PCLO: variants seen among roughly 807,000 people sequenced by gnomAD.
PCLO encodes the protein piccolo presynaptic cytomatrix protein, also known as protein piccolo.
Under a neutral mutation model 427.5 loss-of-function variants are expected in PCLO, and 82 were observed. That is an observed-to-expected ratio of 0.19 (90% CI 0.16 to 0.23). The LOEUF is 0.23. Among genes scored for constraint, PCLO ranks in the 10% least tolerant of loss-of-function variants. The pLI, the probability that PCLO is intolerant of heterozygous loss-of-function variation, is 1.00. For synonymous variants in PCLO, 2,357 were observed against 2,155.4 expected, an observed-to-expected ratio of 1.09 and a Z score of -2.59; for missense variants, 6,239 against 6,115.9, an observed-to-expected ratio of 1.02 and a Z score of -0.67.
At chr7:83,130,051 C>A (rs758449420) in intron 3 of PCLO, among the ~76,000 whole-genome samples, 2 of 150,312 alleles carry the variant, frequency 1.3e-5, no homozygotes, top group African/African-American at 4.9e-5. Context: ...CTTTTTATAC[C>A]GACTTTAAAA....
At position 83,155,275 on chromosome 7, in the gene PCLO, G is replaced by A. The variant is rs200908057; in HGVS notation, c.1366C>T (p.Pro456Ser). The change falls in exon 2 of 25, where the codon CCC becomes TCC. Residue 456 changes from proline (P) to serine (S), a missense_variant. This residue lies in a region of PCLO where 4,677 missense variants were observed against 4,468.4 expected (regional missense o/e 1.05). Coordinates refer to ENST00000333891, the MANE Select transcript of PCLO (RefSeq NM_033026.6). ...PGKIPAQQAG[P>S]GKTSAQQTGP... The stretch of plus-strand genomic sequence containing the variant: ...GTCTGCTGGGCAGAAGTCTTTCCGG[G>A]TCCTGCCTGTTGAGCTGGAATCTTT... 6.7e-5 allele frequency: 108 copies of A among 1,613,824 alleles called. No individual in the cohort carries two copies. Among genetic ancestry groups the A allele is most frequent in the Non-Finnish European group, 8.6e-5 (102 of 1,179,900 alleles).
In PCLO at chr7:82,955,252, T is replaced by C. The variant is rs754589716; in HGVS notation, c.5701A>G (p.Ile1901Val). 1.3e-5 allele frequency: 21 copies of C among 1,613,536 alleles called. No individual in the cohort carries two copies. In the Admixed American group the frequency reaches 3.0e-4, roughly 23 times the overall value. The change falls in exon 5 of 25, where the codon ATT becomes GTT. Residue 1901 changes from isoleucine to valine, a missense_variant. By Grantham distance (29) the Ile-to-Val change is conservative. Around this residue, in one of 5 missense-constraint regions of PCLO, gnomAD observed 4,677 missense variants for 4,468.4 expected, o/e 1.05. Transcript: ENST00000333891. ...TTTTGGCTACCTTCTTTCTGCATAA[T>C]AGATTGCTCATCTGTTGGTGAGTAT... ...SLYSPTDEQS[I>V]MQKEGSQKAL...
At chr7:82,951,679 T>A (rs1183473243) in intron 5 of PCLO, among the ~76,000 whole-genome samples, 177 bp downstream of exon 5, 1 of 150,132 alleles carries the variant, frequency 6.7e-6, no homozygotes, top group Non-Finnish European at 1.5e-5. Context: ...GCAGAACAAA[T>A]TTTTTTTAAA....
chr7:82,861,928 A>G (rs1228534218), intron 10 of PCLO, among the ~76,000 whole-genome samples: 1 of 152,016 alleles, frequency 6.6e-6, no homozygotes, highest in Non-Finnish European at 1.5e-5. Context: ...ACAAACGATA[A>G]TGGAAACACA....
intron 10 of PCLO, among the ~76,000 whole-genome samples, chr7:82,859,150 T>G (rs1396397763): frequency 6.6e-6 from 1 of 151,192 alleles, no homozygotes; most frequent in African/African-American, 2.4e-5. Context: ...GGATGGCACT[T>G]CTGGACCCAC....
intron 3 of PCLO, among the ~76,000 whole-genome samples, chr7:83,076,885 T>C (rs1206606425): frequency 6.6e-6 from 1 of 151,948 alleles, no homozygotes; most frequent in Non-Finnish European, 1.5e-5. Flanking sequence ...TAATAAGGTA[T>C]ACATGTGGAA....
At chr7:83,063,050 T>C (rs946545369) in intron 3 of PCLO, among the ~76,000 whole-genome samples, 2 of 152,080 alleles carry the variant, frequency 1.3e-5, no homozygotes, top group Admixed American at 6.6e-5. Flanking sequence ...CTCTAACTTA[T>C]GTATTTTGTT....
At chr7:83,064,620 C>T (rs1418545804) in intron 3 of PCLO, among the ~76,000 whole-genome samples, 1 of 151,990 alleles carries the variant, frequency 6.6e-6, no homozygotes, top group Non-Finnish European at 1.5e-5. Context: ...AGTTCTGCTT[C>T]ATAAACATAA....
intron 3 of PCLO, among the ~76,000 whole-genome samples, chr7:82,997,204 T>A (rs1787644470): frequency 6.6e-6 from 1 of 151,860 alleles, no homozygotes; most frequent in Non-Finnish European, 1.5e-5. Flanking sequence ...CACCAGCTGA[T>A]CCCTGCCATG....
At chr7:82,833,568 G>A (rs923534365) in intron 16 of PCLO, among the ~76,000 whole-genome samples, 1 of 151,906 alleles carries the variant, frequency 6.6e-6, no homozygotes, top group Non-Finnish European at 1.5e-5. Context: ...TAGCTAACAG[G>A]ACTCTTATTT....
At chr7:82,900,409 T>C (rs904717116) in intron 9 of PCLO, among the ~76,000 whole-genome samples, 4 of 151,756 alleles carry the variant, frequency 2.6e-5, no homozygotes, top group Non-Finnish European at 5.9e-5. Context: ...AAATTAAATA[T>C]ATATTTGAAT....
At chr7:82,795,664 T>C (rs990788178) in intron 22 of PCLO, among the ~76,000 whole-genome samples, 9 of 152,194 alleles carry the variant, frequency 5.9e-5, no homozygotes, top group Non-Finnish European at 7.4e-5. Flanking sequence ...ACTGCTCTAG[T>C]TCTCTGTTTT....
intron 3 of PCLO, among the ~76,000 whole-genome samples, chr7:83,110,719 T>G (rs186861112): frequency 6.6e-6 from 1 of 152,260 alleles, no homozygotes; most frequent in Non-Finnish European, 1.5e-5. Flanking sequence ...TTACTCCAAC[T>G]TTACTTGATT....
At position 82,803,400 on chromosome 7, in the gene PCLO, G is replaced by A. The variant is rs192478594; in HGVS notation, c.14934-1809C>T. ...GTAAGTCTTAGTAATTGTAGTACAAGTACATTTTGATAATTTTTGGGGTTG... is the reference window on the plus strand; with the variant it reads ...GTAAGTCTTAGTAATTGTAGTACAAATACATTTTGATAATTTTTGGGGTTG... On this transcript the variant is annotated intron_variant, in intron 21 of 24. Transcript: ENST00000333891. 3.7e-3 allele frequency among the ~76,000 whole-genome samples: 568 copies of A among 152,168 alleles called. 2 individuals are homozygous for A. The highest frequency in any genetic ancestry group is 7.3e-3 in the South Asian group (35 of 4,822).
chr7:82,806,871 C>T (rs945716052), intron 20 of PCLO, among the ~76,000 whole-genome samples: 1 of 152,076 alleles, frequency 6.6e-6, no homozygotes, highest in African/African-American at 2.4e-5. Flanking sequence ...CACATCACCA[C>T]TCTTCTCATG....
rs543943011 is a variant in PCLO, at chr7:83,158,065, T to C, written c.249-1673A>G. Among the ~76,000 whole-genome samples the C allele has an allele frequency of 9.9e-5, 15 of 152,134 alleles. No homozygotes were observed. In the South Asian group the frequency reaches 2.9e-3, roughly 29 times the overall value. On this transcript the variant is annotated intron_variant, in intron 1 of 24. Coordinates refer to ENST00000333891, the MANE Select transcript of PCLO (RefSeq NM_033026.6). ...GCATTACTTCTAGGTAGCAAGCACT[T>C]AGAAGAAAAGAAAATAATCTATAAA...
intron 2 of PCLO, among the ~76,000 whole-genome samples, chr7:83,136,751 T>C (rs935626729): frequency 6.6e-6 from 1 of 152,136 alleles, no homozygotes. Context: ...TGTACATGTA[T>C]GCATGTGAAT....
At chr7:82,769,207 T>G (rs1318856339) in intron 22 of PCLO, among the ~76,000 whole-genome samples, 1 of 152,192 alleles carries the variant, frequency 6.6e-6, no homozygotes, top group African/African-American at 2.4e-5. Flanking sequence ...TTTGCTTTTT[T>G]CTTTTAGTCA....
intron 3 of PCLO, among the ~76,000 whole-genome samples, chr7:83,035,100 A>AT (rs1318981454): frequency 6.6e-6 from 1 of 152,176 alleles, no homozygotes; most frequent in Non-Finnish European, 1.5e-5. Flanking sequence ...TTAAAGTCCC[A>AT]TTATTGTCTC....
Sources: gnomAD v4.1 joint callset for allele counts (sites outside exome capture counted in the v4.1 genomes callset) on GRCh38, gnomAD v4.1.1 for gene constraint, gnomAD v4.1.1 regional missense constraint, MANE v1.5 for transcripts, NCBI Gene and HGNC (gene_info 2026-07-23, HGNC 2026-07-21) for gene names.